CSMD2: variants seen among roughly 807,000 people sequenced by gnomAD.
CSMD2 encodes the protein CUB and sushi domain-containing protein 2.
CSMD2 carries 130 observed loss-of-function variants against 398.5 expected under a neutral mutation model. The observed-to-expected ratio is 0.33, with a 90% CI of 0.28 to 0.38. The LOEUF is 0.38. CSMD2 is among the 10% of genes least tolerant of loss of function. CSMD2 has a pLI of 1.00. For synonymous variants in CSMD2, 1,828 were observed against 1,908.5 expected, an observed-to-expected ratio of 0.96 and a Z score of 1.10; for missense variants, 3,829 against 4,764.9, an observed-to-expected ratio of 0.80 and a Z score of 5.78.
At chr1:33,662,187 C>G (rs1644159013) in intron 26 of CSMD2, among the ~76,000 whole-genome samples, 2 of 152,172 alleles carry the variant, frequency 1.3e-5, no homozygotes, top group South Asian at 4.1e-4. Flanking sequence ...CCATAATTGG[C>G]TATTGCAGTG....
intron 62 of CSMD2, among the ~76,000 whole-genome samples, chr1:33,536,470 G>A (rs551439068): frequency 1.3e-5 from 2 of 152,278 alleles, no homozygotes; most frequent in East Asian, 3.9e-4. Context: ...TGATCCACCC[G>A]CCTTGGCTTC....
intron 5 of CSMD2, among the ~76,000 whole-genome samples, chr1:33,913,574 A>G (rs1279248489): frequency 6.6e-6 from 1 of 152,122 alleles, no homozygotes; most frequent in African/African-American, 2.4e-5. Context: ...AGGTTGGTAT[A>G]CTGAGACCCA....
At chr1:33,806,132 G>A (rs568477925) in intron 10 of CSMD2, among the ~76,000 whole-genome samples, 5 of 152,290 alleles carry the variant, frequency 3.3e-5, no homozygotes, top group South Asian at 2.1e-4. Context: ...TTCTGAAAGA[G>A]TTGGGTTAGT....
chr1:33,623,758 C>T (rs1641922712), intron 35 of CSMD2, among the ~76,000 whole-genome samples: 1 of 152,242 alleles, frequency 6.6e-6, no homozygotes, highest in Non-Finnish European at 1.5e-5. Context: ...GTCTCACTGA[C>T]TGTCTCCTCA....
intron 55 of CSMD2, among the ~76,000 whole-genome samples, chr1:33,555,574 C>A (rs1003447599): frequency 6.6e-6 from 1 of 152,168 alleles, no homozygotes; most frequent in Admixed American, 6.5e-5. Flanking sequence ...AAGAGTCAAT[C>A]CATGTGGCAG....
chr1:34,142,639 CA>C (rs1282087476), intron 1 of CSMD2, among the ~76,000 whole-genome samples: 2 of 152,336 alleles, frequency 1.3e-5, no homozygotes, highest in African/African-American at 4.8e-5. Flanking sequence ...GTGTTCCACT[CA>C]GCAGCATGGG....
intron 9 of CSMD2, among the ~76,000 whole-genome samples, chr1:33,814,800 C>T (rs1657270971): frequency 6.6e-6 from 1 of 152,152 alleles, no homozygotes; most frequent in Non-Finnish European, 1.5e-5. Context: ...TCCCCCACTG[C>T]CTGTGTTCCC....
At chr1:33,597,630 G>T (rs1447597760) in intron 44 of CSMD2, among the ~76,000 whole-genome samples, 2 of 152,182 alleles carry the variant, frequency 1.3e-5, no homozygotes, top group African/African-American at 4.8e-5. Flanking sequence ...ACAGCAAAAG[G>T]AACTCTACTT....
chr1:33,734,118 C>T (rs182340829), intron 15 of CSMD2, among the ~76,000 whole-genome samples: 1 of 152,332 alleles, frequency 6.6e-6, no homozygotes, highest in East Asian at 1.9e-4. Context: ...TGAGCTACCA[C>T]CACCACTTAG....
chr1:33,648,248 A>G lies in CSMD2; in HGVS notation c.4587-1413T>C, dbSNP rs1176644485. Among the ~76,000 whole-genome samples the G allele has an allele frequency of 2.6e-5, 4 of 151,896 alleles. 1 individual carries two copies. The highest frequency in any genetic ancestry group is 7.3e-5 in the African/African-American group (3 of 41,334). On this transcript the variant is annotated intron_variant, in intron 28 of 70. Coordinates refer to ENST00000373381, the MANE Select transcript of CSMD2 (RefSeq NM_001281956.2). ...GTGGTGGTGGGCACCTGTAGTCCCA[A>G]CTACTCAGGAAGCTGAGGCAGGAGA...
chr1:33,853,325 G>C (rs1423085167), intron 5 of CSMD2, among the ~76,000 whole-genome samples: 1 of 152,162 alleles, frequency 6.6e-6, no homozygotes. Context: ...AGGTGATAAG[G>C]ATGCTTTGTC....
chr1:34,107,995 T>G lies in CSMD2; in HGVS notation c.188-18802A>C, dbSNP rs149971834. Among the ~76,000 whole-genome samples, 32 of 152,346 alleles carry G rather than the reference T, an allele frequency of 2.1e-4. No homozygotes were observed. In the East Asian group the frequency reaches 5.8e-3, roughly 28 times the overall value. ...TCATGAGGGCAGGACCACGCCTGAC[T>G]CACTGTTAAATCCCAACACAAGGCT... On this transcript the variant is annotated intron_variant, in intron 1 of 70. Coordinates refer to ENST00000373381, the MANE Select transcript of CSMD2 (RefSeq NM_001281956.2).
At chr1:34,045,440 A>G (rs1313458186) in intron 2 of CSMD2, among the ~76,000 whole-genome samples, 2 of 152,214 alleles carry the variant, frequency 1.3e-5, no homozygotes, top group East Asian at 1.9e-4. Context: ...GCAATCTTGC[A>G]TTAGCTAGAT....
chr1:34,133,964 G>A lies in CSMD2; in HGVS notation c.187+30947C>T, dbSNP rs183705066. Among the ~76,000 whole-genome samples the A allele has an allele frequency of 1.7e-3, 262 of 150,234 alleles. 1 individual carries two copies. Among genetic ancestry groups the A allele is most frequent in the African/African-American group, 6.0e-3 (246 of 40,766 alleles). On this transcript the variant is annotated intron_variant, in intron 1 of 70. Coordinates refer to ENST00000373381, the MANE Select transcript of CSMD2 (RefSeq NM_001281956.2). ...TGTGCCAATAGTCCCAGCTACTCAG[G>A]AGGCTGAGGCAGGAGAATCGCTTGA... is the stretch of plus-strand genomic sequence containing the variant.
Position 33,633,379 on chromosome 1 carries a change from C to T in CSMD2, c.5200+43G>A, listed in dbSNP as rs1358277429. Reference sequence around the variant, plus strand: ...TCCTTCCTTTAGCCGGACGTGATGCCCCCGGCCCACAACCATCCCCACACT... The same window carrying T: ...TCCTTCCTTTAGCCGGACGTGATGCTCCCGGCCCACAACCATCCCCACACT... On this transcript the variant is annotated intron_variant, in intron 32 of 70. Coordinates refer to ENST00000373381, the MANE Select transcript of CSMD2 (RefSeq NM_001281956.2). This position sits in a 1 kb window ranked among gnomAD's most constrained non-coding sequence, Gnocchi z 5.0. 2 of 1,434,462 alleles carry T rather than the reference C, an allele frequency of 1.4e-6. No individual in the cohort carries two copies. Among genetic ancestry groups the T allele is most frequent in the Non-Finnish European group, 1.9e-6 (2 of 1,041,714 alleles). The allele number at this position is 1,434,462 out of a possible 1,614,324, so 88.9% of individuals were successfully genotyped here. A position where few individuals can be genotyped will look rare whatever the true frequency, so the allele number is the denominator to read the frequency against.
At chr1:33,816,533 C>T (rs1276789828) in intron 9 of CSMD2, among the ~76,000 whole-genome samples, 1 of 152,132 alleles carries the variant, frequency 6.6e-6, no homozygotes, top group Non-Finnish European at 1.5e-5. Context: ...TAGGGTTCTG[C>T]AAAAACTTAT....
intron 25 of CSMD2, among the ~76,000 whole-genome samples, chr1:33,678,665 C>T (rs1159866341): frequency 6.6e-6 from 1 of 152,088 alleles, no homozygotes; most frequent in Non-Finnish European, 1.5e-5. Context: ...CAAATGCCCC[C>T]CTCTAAGCTG....
chr1:33,688,955 C>T (rs1185197698), intron 25 of CSMD2, among the ~76,000 whole-genome samples: 2 of 151,736 alleles, frequency 1.3e-5, no homozygotes, highest in Non-Finnish European at 2.9e-5. Context: ...TGTGAGTTAT[C>T]CTAACTTTGC....
intron 2 of CSMD2, among the ~76,000 whole-genome samples, chr1:34,085,140 A>C (rs1359296331): frequency 6.6e-6 from 1 of 152,104 alleles, no homozygotes; most frequent in African/African-American, 2.4e-5. Context: ...ACAAAAAACC[A>C]AACACCGCAT....
Sources: gnomAD v4.1 joint callset for allele counts (sites outside exome capture counted in the v4.1 genomes callset) on GRCh38, gnomAD v4.1.1 for gene constraint, Gnocchi (gnomAD v3.1) non-coding constraint, MANE v1.5 for transcripts, NCBI Gene and HGNC (gene_info 2026-07-23, HGNC 2026-07-21) for gene names.